Variants in DYM observed in about 807,000 individuals in gnomAD.
DYM encodes the protein dymeclin.
DYM carries 78 observed loss-of-function variants against 93.1 expected under a neutral mutation model. The observed-to-expected ratio is 0.84, with a 90% CI of 0.70 to 1.01. The LOEUF is 1.01. DYM is among the 50% of genes least tolerant of loss of function. The pLI is 0.00. For missense variants in DYM, 789 were observed against 845.0 expected (o/e 0.93, Z 0.82); for synonymous variants, 321 against 319.7 (o/e 1.00, Z -0.04).
intron 13 of DYM, among the ~76,000 whole-genome samples, chr18:49,220,752 A>T (rs1414029808): frequency 6.6e-6 from 1 of 152,250 alleles, no homozygotes; most frequent in Non-Finnish European, 1.5e-5. Context: ...ACAAAAATTA[A>T]TTCAAGATGG....
At chr18:49,069,170 A>G (rs192021869) in intron 17 of DYM, among the ~76,000 whole-genome samples, 576 of 152,350 alleles carry the variant, frequency 3.8e-3, no homozygotes, top group Non-Finnish European at 5.3e-3. Flanking sequence ...AGAGATACTA[A>G]CGTGTTCATG....
intron 5 of DYM, among the ~76,000 whole-genome samples, chr18:49,363,549 A>C (rs2066243434): frequency 6.6e-6 from 1 of 152,242 alleles, no homozygotes; most frequent in African/African-American, 2.4e-5. Context: ...GAAATCTTAC[A>C]TTAAAGCCAA....
rs535116748 is a variant in DYM at position 49,050,409 on chromosome 18, A to C, written c.2026-6205T>G. ...CCCAGTCCAGAGGGGTAACTTCTAC[A>C]GTGTATGTGACATTAGGCTTTTGCA... On this transcript the variant is annotated intron_variant, in intron 17 of 17. Coordinates refer to ENST00000675505, the MANE Select transcript of DYM (RefSeq NM_001353214.3). Among the ~76,000 whole-genome samples the C allele has an allele frequency of 3.3e-5, 5 of 152,206 alleles. No individual in the cohort carries two copies. In the South Asian group the frequency reaches 8.3e-4, roughly 25 times the overall value.
At chr18:49,292,355 G>GACAGACAGACACACACACACACACAC in intron 8 of DYM, among the ~76,000 whole-genome samples, 1 of 84,744 alleles carries the variant, frequency 1.2e-5, no homozygotes, top group South Asian at 4.5e-4. Context: ...CAGACAGACA[G>GACAGACAGACACACACACACACACAC]ACACACACAC....
At chr18:49,363,612 G>C (rs2066250852) in intron 5 of DYM, among the ~76,000 whole-genome samples, 2 of 152,120 alleles carry the variant, frequency 1.3e-5, no homozygotes, top group South Asian at 4.2e-4. Flanking sequence ...TTTGAAGCAG[G>C]GGTAGAGGAC....
At chr18:49,313,146 A>T (rs1385054171) in intron 8 of DYM, among the ~76,000 whole-genome samples, 1 of 152,126 alleles carries the variant, frequency 6.6e-6, no homozygotes, top group Admixed American at 6.5e-5. Flanking sequence ...CACAGGATAC[A>T]GGTCATAAAG....
chr18:49,222,476 G>C (rs538131394), intron 13 of DYM, among the ~76,000 whole-genome samples: 2 of 152,094 alleles, frequency 1.3e-5, no homozygotes, highest in African/African-American at 4.8e-5. Context: ...AAGGAAGCAA[G>C]GAAACTGTCA....
intron 13 of DYM, among the ~76,000 whole-genome samples, chr18:49,236,486 A>AT (rs1555652857): frequency 0.046 from 6,810 of 148,180 alleles, 504 homozygotes; most frequent in African/African-American, 0.15. Context: ...TCTCAAAAAA[A>AT]AAAATAAATA....
chr18:49,068,738 G>A (rs532932073), intron 17 of DYM, among the ~76,000 whole-genome samples: 5 of 152,118 alleles, frequency 3.3e-5, no homozygotes, highest in Non-Finnish European at 5.9e-5. Flanking sequence ...TCTCTCAGCA[G>A]AATAAAAGAG....
chr18:49,321,398 G>A (rs1293318209), intron 8 of DYM: 10 of 398,004 alleles, frequency 2.5e-5, no homozygotes, highest in Non-Finnish European at 4.0e-5. Flanking sequence ...GAAAATGAGA[G>A]TAGAAGGTGG....
At chr18:49,081,790 G>A (rs2078065224) in intron 17 of DYM, among the ~76,000 whole-genome samples, 1 of 152,062 alleles carries the variant, frequency 6.6e-6, no homozygotes, top group Non-Finnish European at 1.5e-5. Flanking sequence ...CTCTTTTCTG[G>A]TTTTCAGGCC....
At chr18:49,159,502 A>T (rs1432185874) in intron 15 of DYM, among the ~76,000 whole-genome samples, 2 of 152,242 alleles carry the variant, frequency 1.3e-5, no homozygotes, top group African/African-American at 4.8e-5. Flanking sequence ...AGAATTCCAT[A>T]TAGAATGATA....
chr18:49,263,588 G>GT (rs2094523443), intron 11 of DYM, among the ~76,000 whole-genome samples: 2 of 151,828 alleles, frequency 1.3e-5, no homozygotes, highest in South Asian at 4.2e-4. Flanking sequence ...AAACTAACCA[G>GT]GCTTGGTGGC....
chr18:49,189,399 C>T (rs1197328395), intron 14 of DYM, among the ~76,000 whole-genome samples: 2 of 152,030 alleles, frequency 1.3e-5, no homozygotes, highest in East Asian at 3.8e-4. Flanking sequence ...ATAGTTCTGG[C>T]CAAACTTCTA....
chr18:49,096,569 G>GA (rs1055176684), intron 17 of DYM, among the ~76,000 whole-genome samples: 1 of 152,072 alleles, frequency 6.6e-6, no homozygotes, highest in African/African-American at 2.4e-5. Flanking sequence ...AGCTAATGAA[G>GA]AAAAAACTAA....
chr18:49,456,047 T>C (rs528574312), intron 1 of DYM, among the ~76,000 whole-genome samples: 1 of 152,324 alleles, frequency 6.6e-6, no homozygotes, highest in South Asian at 2.1e-4. Flanking sequence ...ATATTCCTGT[T>C]CAACTAAGAT....
chr18:49,191,765 T>C (rs2090995680), intron 14 of DYM, among the ~76,000 whole-genome samples: 1 of 152,176 alleles, frequency 6.6e-6, no homozygotes, highest in Non-Finnish European at 1.5e-5. Context: ...TCAAATAATA[T>C]TAAATTTGTA....
chr18:49,079,303 C>G (rs2145101099), intron 17 of DYM, among the ~76,000 whole-genome samples: 1 of 152,178 alleles, frequency 6.6e-6, no homozygotes, highest in South Asian at 2.1e-4. Context: ...TTGCTGTGTG[C>G]AGAAAATGTG....
chr18:49,377,838 A>G (rs780643417), intron 5 of DYM, among the ~76,000 whole-genome samples: 1 of 152,244 alleles, frequency 6.6e-6, no homozygotes, highest in African/African-American at 2.4e-5. Flanking sequence ...ACAGACCTCC[A>G]TTAAAAGTAT....
Sources: allele counts gnomAD v4.1 joint callset (sites outside exome capture counted in the v4.1 genomes callset), GRCh38; gene constraint gnomAD v4.1.1; transcripts MANE v1.5; gene names NCBI Gene and HGNC (gene_info 2026-07-23, HGNC 2026-07-21).